Variants in SH3TC1 observed in about 807,000 individuals in gnomAD.
SH3TC1 encodes the protein SH3 domain and tetratricopeptide repeats 1.
SH3TC1 carries 135 observed loss-of-function variants against 117.3 expected under a neutral mutation model. That is an observed-to-expected ratio of 1.15 (90% CI 1.00 to 1.33). The LOEUF is 1.33. Ranked by LOEUF, SH3TC1 falls within the 40% of genes most tolerant of loss-of-function variation. SH3TC1 has a pLI of 0.00. For missense variants in SH3TC1, 2,092 were observed against 1,794.3 expected (o/e 1.17, Z -3.00); for synonymous variants, 898 against 816.9 (o/e 1.10, Z -1.69).
At chr4:8,191,145 C>T (rs1417896264) in intron 1 of SH3TC1, among the ~76,000 whole-genome samples, 1 of 152,202 alleles carries the variant, frequency 6.6e-6, no homozygotes, top group African/African-American at 2.4e-5. Flanking sequence ...TCACCACCCC[C>T]AGATGAGGAG....
intron 14 of SH3TC1, among the ~76,000 whole-genome samples, chr4:8,234,494 C>T (rs3115220): frequency 0.026 from 777 of 29,794 alleles, 9 homozygotes; most frequent in African/African-American, 0.051. Flanking sequence ...CATCCATCCA[C>T]CCATCCATCC....
chr4:8,229,563 G>A (rs986664561), intron 12 of SH3TC1, among the ~76,000 whole-genome samples: 3 of 151,620 alleles, frequency 2.0e-5, no homozygotes, highest in Non-Finnish European at 4.4e-5. Flanking sequence ...CAGGGCCTAT[G>A]CAGGGAGGTG....
chr4:8,218,161 A>C lies in SH3TC1; in HGVS notation c.840-110A>C, dbSNP rs1405317628. ...GCACGTGTGTGTGTTGGGGGAGGCG[A>C]GGGACCTGCTCAGGTTGCTGGGGGC... On this transcript the variant is annotated intron_variant, in intron 7 of 17. Coordinates refer to ENST00000245105, the MANE Select transcript of SH3TC1 (RefSeq NM_018986.5). The C allele has an allele frequency of 1.2e-5, 8 of 664,298 alleles. No individual in the cohort carries two copies. In the East Asian group the frequency reaches 2.2e-4, roughly 18 times the overall value. 41.2% of individuals were successfully genotyped at this position (664,298 alleles called of 1,614,324 possible).
Position 8,215,243 on chromosome 4 carries a change from G to A in SH3TC1, c.481+663G>A, listed in dbSNP as rs3756195. 1.6e-4 allele frequency: 71 copies of A among 456,176 alleles called. 1 individual carries two copies. The East Asian group carries it at 3.7e-3, about 24-fold the overall frequency. 28.3% of individuals were successfully genotyped at this position (456,176 alleles called of 1,614,324 possible). A position where few individuals can be genotyped will look rare whatever the true frequency, so the allele number is the denominator to read the frequency against. ...AGCTGTTATTTGAAAGCTGACCCAC[G>A]TGAGCTCTTCCTGGCACATTCCCTG... On this transcript the variant is annotated intron_variant, in intron 5 of 17. Transcript: ENST00000245105.
At position 8,190,711 on chromosome 4, in the gene SH3TC1, G is replaced by A. The variant is rs923961740; in HGVS notation, c.-57+8501G>A. 2.0e-5 allele frequency among the ~76,000 whole-genome samples: 3 copies of A among 152,136 alleles called. No homozygotes were observed. Among genetic ancestry groups the A allele is most frequent in the South Asian group, 4.1e-4 (2 of 4,820 alleles). On this transcript the variant is annotated intron_variant, in intron 1 of 16. Coordinates refer to the SH3TC1 transcript ENST00000508641. The surrounding 1 kb of genome is among the most constrained non-coding windows in gnomAD (Gnocchi z 4.7). ...GCTGGAGTGCAGTAGTGTGGTTATC[G>A]CTCGCTGCAGCCTCCAACTCCTGGG... is the stretch of plus-strand genomic sequence containing the variant.
rs1561670206 is a variant in SH3TC1, at chr4:8,186,801, G to C, written c.-57+4591G>C. ...TCTACTAAAAATACAAAAATTAGCT[G>C]GGCGTGGTGGCGGGCACCTGTAATC... On this transcript the variant is annotated intron_variant, in intron 1 of 16. Coordinates refer to the SH3TC1 transcript ENST00000508641. The surrounding 1 kb of genome is among the most constrained non-coding windows in gnomAD (Gnocchi z 5.2). Among the ~76,000 whole-genome samples, 1 of 151,972 alleles carries C rather than the reference G, an allele frequency of 6.6e-6. No homozygotes were observed. Among genetic ancestry groups the C allele is most frequent in the Non-Finnish European group, 1.5e-5 (1 of 68,000 alleles).
chr4:8,218,457 C>T (rs2152986841), intron 8 of SH3TC1, 110 bp downstream of exon 8: 3 of 713,774 alleles, frequency 4.2e-6, no homozygotes, highest in Non-Finnish European at 6.9e-6. Flanking sequence ...AGATAGCTAT[C>T]AGGTAGTGCA....
intron 9 of SH3TC1, among the ~76,000 whole-genome samples, chr4:8,220,862 C>T (rs1352414747): frequency 6.6e-6 from 1 of 152,234 alleles, no homozygotes; most frequent in African/African-American, 2.4e-5. Context: ...GCATCAGAAG[C>T]AGCTGGAAGC....
intron 14 of SH3TC1, among the ~76,000 whole-genome samples, chr4:8,233,826 A>G (rs1721493413): frequency 6.9e-6 from 1 of 145,606 alleles, no homozygotes; most frequent in Non-Finnish European, 1.5e-5. Flanking sequence ...TCATCCGTCC[A>G]TCCATCCATC....
At chr4:8,216,550 C>T (rs1362053143) in intron 6 of SH3TC1, among the ~76,000 whole-genome samples, 1 of 152,212 alleles carries the variant, frequency 6.6e-6, no homozygotes, top group Non-Finnish European at 1.5e-5. Context: ...GCTGCCCTGG[C>T]CTTGTGGCTG....
chr4:8,236,677 C>A (rs1252702237), intron 16 of SH3TC1: 1 of 428,086 alleles, frequency 2.3e-6, no homozygotes, highest in South Asian at 7.1e-5. Flanking sequence ...ACGAGGGCTG[C>A]CCAGTGTGCC....
Position 8,190,808 on chromosome 4 carries a change from T to A in SH3TC1, c.-57+8598T>A, listed in dbSNP as rs1009917362. Among the ~76,000 whole-genome samples, 1 of 152,012 alleles carries A rather than the reference T, an allele frequency of 6.6e-6. No homozygotes were observed. Among genetic ancestry groups the A allele is most frequent in the African/African-American group, 2.4e-5 (1 of 41,364 alleles). On this transcript the variant is annotated intron_variant, in intron 1 of 16. Transcript: ENST00000508641. The surrounding 1 kb of genome is among the most constrained non-coding windows in gnomAD (Gnocchi z 4.7). Reference sequence around the variant, plus strand: ...GGCACGCACCACCATGCCCAGCTAATTTTTTTGTATTTTTTGTAGAGACGG... The same window carrying A: ...GGCACGCACCACCATGCCCAGCTAAATTTTTTGTATTTTTTGTAGAGACGG...
intron 1 of SH3TC1, among the ~76,000 whole-genome samples, chr4:8,184,545 A>T (rs1045174925): frequency 2.6e-5 from 4 of 152,064 alleles, no homozygotes; most frequent in African/African-American, 9.7e-5. Flanking sequence ...ACACCCAGCT[A>T]ATTTTTTATT....
rs369936039 is a variant in SH3TC1 at position 8,227,691 on chromosome 4, G to A, written c.1997G>A (p.Arg666Gln). 9.0e-6 allele frequency: 14 copies of A among 1,552,896 alleles called. No individual in the cohort carries two copies. The highest frequency in any genetic ancestry group is 6.8e-5 in the African/African-American group (5 of 73,418). ...GGCCAGAGCCTGCAGGCCGAGGCCC[G>A]GGCCTGCTTCCTGCTGGCCAGGCAC... The part of the protein sequence containing the change: ...VGGQSLQAEA[R>Q]ACFLLARHHV... Residue 666 changes from arginine (R) to glutamine (Q), a missense_variant, in exon 12 of 18, where the codon CGG (arginine) becomes CAG (glutamine). Physicochemically the swap from Arg to Gln is conservative, Grantham distance 43. Transcript: ENST00000245105.
rs1718133948 is a variant in SH3TC1, at chr4:8,205,526, G to A, written c.172+160G>A. ...CACTTCTCGTTTCCTTCCCCCGCGT[G>A]TGTTTAACAGGAGCCACTGTGCCCG... On this transcript the variant is annotated intron_variant, in intron 2 of 17. Transcript: ENST00000245105. This position sits in a 1 kb window ranked among gnomAD's most constrained non-coding sequence, Gnocchi z 5.4. 9.6e-7 allele frequency: 1 copy of A among 1,036,730 alleles called. No homozygotes were observed. The highest frequency in any genetic ancestry group is 1.5e-6 in the Non-Finnish European group (1 of 663,398). 64.2% of individuals were successfully genotyped at this position (1,036,730 alleles called of 1,614,324 possible).
chr4:8,188,346 G>C (rs879483275), intron 1 of SH3TC1, among the ~76,000 whole-genome samples: 5 of 152,178 alleles, frequency 3.3e-5, no homozygotes, highest in African/African-American at 9.7e-5. Context: ...GCCCAGCATC[G>C]GGCAGGCAGG....
intron 1 of SH3TC1, among the ~76,000 whole-genome samples, chr4:8,194,150 G>A (rs945150495): frequency 6.6e-6 from 1 of 152,164 alleles, no homozygotes; most frequent in African/African-American, 2.4e-5. Context: ...GCTGTCCTGG[G>A]ACCTTCGAGA....
upstream of SH3TC1, among the ~76,000 whole-genome samples, chr4:8,198,946 T>C (rs1331203120): frequency 1.3e-5 from 2 of 152,150 alleles, no homozygotes; most frequent in African/African-American, 4.8e-5. Context: ...GGCATGCGTG[T>C]GTGTGTGTGT....
chr4:8,201,228 C>T (rs1344038222), intron 1 of SH3TC1, among the ~76,000 whole-genome samples: 1 of 152,234 alleles, frequency 6.6e-6, no homozygotes, highest in Admixed American at 6.5e-5. Flanking sequence ...CCACATTCAC[C>T]AAACTCTGAC....
Sources: allele counts gnomAD v4.1 joint callset (sites outside exome capture counted in the v4.1 genomes callset), GRCh38; gene constraint gnomAD v4.1.1; non-coding constraint Gnocchi (gnomAD v3.1); transcripts MANE v1.5; gene names NCBI Gene and HGNC (gene_info 2026-07-23, HGNC 2026-07-21).